Variants in RFX1 observed in about 807,000 individuals in gnomAD.
The protein encoded by RFX1 is regulatory factor X1.
RFX1 carries 42 observed loss-of-function variants against 119.6 expected under a neutral mutation model. That is an observed-to-expected ratio of 0.35 (90% CI 0.27 to 0.45). The LOEUF (loss-of-function observed/expected upper bound fraction) is 0.45, where lower values mean the gene tolerates loss of function less well. RFX1 is among the 20% of genes least tolerant of loss of function. The pLI, the probability that RFX1 is intolerant of heterozygous loss-of-function variation, is 1.00. For synonymous variants in RFX1, 628 were observed against 618.5 expected (o/e 1.02, Z -0.23); for missense variants, 1,118 against 1,368.1 (o/e 0.82, Z 2.88).
At position 13,962,581 on chromosome 19, in the gene RFX1, G is replaced by T; in HGVS notation, c.*114C>A. The T allele has an allele frequency of 1.2e-6, 1 of 862,958 alleles. No individual in the cohort carries two copies. Among genetic ancestry groups the T allele is most frequent in the Non-Finnish European group, 1.7e-6 (1 of 596,170 alleles). 53.5% of individuals were successfully genotyped at this position (862,958 alleles called of 1,614,324 possible). On this transcript the variant is annotated 3_prime_UTR_variant, in exon 21 of 21. Coordinates refer to ENST00000254325, the MANE Select transcript of RFX1 (RefSeq NM_002918.5). Reference sequence around the variant, plus strand: ...GGGCCCCGGTCTTCCCTGTCTCGGAGTCCCCCTCCCTGCCCTGGCTGAGGC... The same window carrying T: ...GGGCCCCGGTCTTCCCTGTCTCGGATTCCCCCTCCCTGCCCTGGCTGAGGC...
Position 13,962,885 on chromosome 19 carries a change from C to T in RFX1, c.2771-21G>A, listed in dbSNP as rs925951941. 9.1e-6 allele frequency: 14 copies of T among 1,533,460 alleles called. No homozygotes were observed. In the African/African-American group the frequency reaches 1.4e-4, roughly 15 times the overall value. The allele number at this position is 1,533,460 out of a possible 1,614,324, so 95.0% of individuals were successfully genotyped here. On this transcript the variant is annotated intron_variant, in intron 20 of 20. Coordinates refer to ENST00000254325, the MANE Select transcript of RFX1 (RefSeq NM_002918.5). ...CTCGTCTGGAACACAGGGACCAAGTCCGGCTCGGGGCGGGGTGGCAACGCC... is the reference window on the plus strand; with the variant it reads ...CTCGTCTGGAACACAGGGACCAAGTTCGGCTCGGGGCGGGGTGGCAACGCC...
chr19:13,979,602 GC>G (rs1974366270), intron 6 of RFX1, 60 bp from the exon 7 acceptor site: 1 of 1,228,480 alleles, frequency 8.1e-7, no homozygotes, highest in Non-Finnish European at 1.2e-6. Context: ...AACCTACCCA[GC>G]CCCTGCACAG....
At position 13,983,482 on chromosome 19, in the gene RFX1, C is replaced by T; in HGVS notation, c.429+4G>A. ...CCCCACCCCCTGGGAGGGCCACATC[C>T]TACCTGCTGGGTGCCCTGCACCTGC... On this transcript the variant is annotated splice_donor_region_variant and intron_variant, in intron 3 of 20. Coordinates refer to ENST00000254325, the MANE Select transcript of RFX1 (RefSeq NM_002918.5). The T allele has an allele frequency of 6.3e-7, 1 of 1,599,612 alleles. No homozygotes were observed. Among genetic ancestry groups the T allele is most frequent in the Non-Finnish European group, 8.5e-7 (1 of 1,174,568 alleles).
chr19:13,975,970 T>C (rs1472169384), intron 8 of RFX1, among the ~76,000 whole-genome samples: 3 of 152,144 alleles, frequency 2.0e-5, no homozygotes, highest in African/African-American at 7.2e-5. Flanking sequence ...TCACACACAC[T>C]ATGATCACTG....
At chr19:13,978,147 C>G (rs918074006) in intron 7 of RFX1, 61 bp from the exon 8 acceptor site, 19 of 1,304,188 alleles carry the variant, frequency 1.5e-5, no homozygotes, top group Non-Finnish European at 2.0e-5. Context: ...GGTTCTCCCT[C>G]TAAAGGGCTG....
At chr19:14,002,464 G>T (rs1278694414) in intron 1 of RFX1, among the ~76,000 whole-genome samples, 1 of 151,962 alleles carries the variant, frequency 6.6e-6, no homozygotes, top group Non-Finnish European at 1.5e-5. Flanking sequence ...CATCCTGGGC[G>T]ACAGAGTAGG....
chr19:13,989,549 GA>G (rs1216868832), intron 2 of RFX1, among the ~76,000 whole-genome samples: 1 of 151,208 alleles, frequency 6.6e-6, no homozygotes, highest in Non-Finnish European at 1.5e-5. Context: ...GAGAGAGAGA[GA>G]GAGACAGACA....
At chr19:13,976,055 A>C (rs1369172056) in intron 8 of RFX1, among the ~76,000 whole-genome samples, 1 of 152,244 alleles carries the variant, frequency 6.6e-6, no homozygotes, top group African/African-American at 2.4e-5. Flanking sequence ...ACCCTTGGAC[A>C]CCGTGTTCCT....
At chr19:13,973,168 G>T in intron 8 of RFX1, 41 bp from the exon 9 acceptor site, 1 of 1,024,896 alleles carries the variant, frequency 9.8e-7, no homozygotes, top group South Asian at 1.3e-5. Context: ...AGGGGGATGA[G>T]AACTGGGGGG....
At chr19:13,975,234 G>A (rs1974219532) in intron 8 of RFX1, among the ~76,000 whole-genome samples, 1 of 151,836 alleles carries the variant, frequency 6.6e-6, no homozygotes. Flanking sequence ...GTGGGCGCCT[G>A]TAATCCCAAC....
rs761726114 is a variant in RFX1, at chr19:13,965,410, C to T, written c.2211+39G>A. 1 of 1,574,446 alleles carries T rather than the reference C, an allele frequency of 6.4e-7. No individual in the cohort carries two copies. Among genetic ancestry groups the T allele is most frequent in the Admixed American group, 1.7e-5 (1 of 59,524 alleles). On this transcript the variant is annotated intron_variant, in intron 16 of 20. Coordinates refer to ENST00000254325, the MANE Select transcript of RFX1 (RefSeq NM_002918.5). This position sits in a 1 kb window ranked among gnomAD's most constrained non-coding sequence, Gnocchi z 4.7. ...GGAGCAGAGGAGACGGAGGCCTAAG[C>T]CCCAGAGATAGGAGAAAGGGACCCC...
intron 9 of RFX1, among the ~76,000 whole-genome samples, chr19:13,971,764 C>A (rs992534110): frequency 6.6e-6 from 1 of 152,026 alleles, no homozygotes; most frequent in African/African-American, 2.4e-5. Flanking sequence ...AATCCCAGCA[C>A]TTTGGGAGGC....
chr19:13,986,048 T>C lies in RFX1; in HGVS notation c.320-2453A>G, dbSNP rs1974582920. 6.6e-6 allele frequency among the ~76,000 whole-genome samples: 1 copy of C among 152,152 alleles called. No individual in the cohort carries two copies. Among genetic ancestry groups the C allele is most frequent in the South Asian group, 2.1e-4 (1 of 4,836 alleles). On this transcript the variant is annotated intron_variant, in intron 2 of 20. Coordinates refer to ENST00000254325, the MANE Select transcript of RFX1 (RefSeq NM_002918.5). The surrounding 1 kb of genome is among the most constrained non-coding windows in gnomAD (Gnocchi z 4.2). The stretch of plus-strand genomic sequence containing the variant: ...TCTTCCCTGGCATCTGCTTTAGGCT[T>C]CCCAGCCCTGAGCCATAAGGGAGGA...
rs1973681150 is a variant in RFX1 at position 13,961,879 on chromosome 19, A to G, written c.*816T>C. On this transcript the variant is annotated 3_prime_UTR_variant, in exon 21 of 21. Transcript: ENST00000254325. Reference sequence around the variant, plus strand: ...CGCTCGGGCGGCGCTCACGAATCGCACAATAGTCATGGGGTGGGGGTCGCA... The same window carrying G: ...CGCTCGGGCGGCGCTCACGAATCGCGCAATAGTCATGGGGTGGGGGTCGCA... 1 of 152,340 alleles carries G rather than the reference A, an allele frequency of 6.6e-6. No individual in the cohort carries two copies. Among genetic ancestry groups the G allele is most frequent in the African/African-American group, 2.4e-5 (1 of 41,466 alleles). 9.4% of individuals were successfully genotyped at this position (152,340 alleles called of 1,614,324 possible).
At chr19:13,987,485 C>T (rs996889563) in intron 2 of RFX1, among the ~76,000 whole-genome samples, 3 of 152,154 alleles carry the variant, frequency 2.0e-5, no homozygotes, top group Non-Finnish European at 2.9e-5. Flanking sequence ...GCTCCGATTG[C>T]TCCTGGCTTG....
Position 13,962,842 on chromosome 19 carries a change from CTCCTCCTCTTCT to C in RFX1, c.2781_2792del (p.Glu929_Glu932del), listed in dbSNP as rs1224731996. 10 of 1,528,480 alleles carry C rather than the reference CTCCTCCTCTTCT, an allele frequency of 6.5e-6. No homozygotes were observed. The highest frequency in any genetic ancestry group is 1.7e-4 in the Middle Eastern group (1 of 5,950). 94.7% of individuals were successfully genotyped at this position (1,528,480 alleles called of 1,614,324 possible). On this transcript the variant is annotated inframe_deletion, in exon 21 of 21. Transcript: ENST00000254325. Reference sequence around the variant, plus strand: ...CCTGCGGCAGCTCGTCCTCGCTCTCCTCCTCCTCTTCTTCCTCCTCGTCTGGAACACAGGGAC... The same window carrying C: ...CCTGCGGCAGCTCGTCCTCGCTCTCCTCCTCCTCGTCTGGAACACAGGGAC...
rs1269911593 is a variant in RFX1, at chr19:13,961,880, CA to C, written c.*814del. ...GCTCGGGCGGCGCTCACGAATCGCA[CA>C]ATAGTCATGGGGTGGGGGTCGCACG... On this transcript the variant is annotated 3_prime_UTR_variant, in exon 21 of 21. Coordinates refer to ENST00000254325, the MANE Select transcript of RFX1 (RefSeq NM_002918.5). 3.3e-5 allele frequency: 5 copies of C among 152,298 alleles called. No homozygotes were observed. Among genetic ancestry groups the C allele is most frequent in the African/African-American group, 4.8e-5 (2 of 41,450 alleles). 9.4% of individuals were successfully genotyped at this position (152,298 alleles called of 1,614,324 possible).
At chr19:13,963,429 C>G (rs1309777803) in intron 18 of RFX1, 109 bp downstream of exon 18, 1 of 1,428,036 alleles carries the variant, frequency 7.0e-7, no homozygotes, top group East Asian at 2.5e-5. Context: ...GGGCCCCAGC[C>G]TGCCCGCCCA....
chr19:13,988,476 G>A lies in RFX1; in HGVS notation c.320-4881C>T, dbSNP rs535727048. ...AGCAGGTAAGACCCACACCCAGGGCGTGGATCAGGACCCATCAGACACTCT... is the reference window on the plus strand; with the variant it reads ...AGCAGGTAAGACCCACACCCAGGGCATGGATCAGGACCCATCAGACACTCT... On this transcript the variant is annotated intron_variant, in intron 2 of 20. Transcript: ENST00000254325. 5.9e-5 allele frequency among the ~76,000 whole-genome samples: 9 copies of A among 152,328 alleles called. 1 individual carries two copies. The highest frequency in any genetic ancestry group is 2.0e-4 in the Admixed American group (3 of 15,298).
Sources: gnomAD v4.1 joint callset for allele counts (sites outside exome capture counted in the v4.1 genomes callset) on GRCh38, gnomAD v4.1.1 for gene constraint, Gnocchi (gnomAD v3.1) non-coding constraint, MANE v1.5 for transcripts, NCBI Gene and HGNC (gene_info 2026-07-23, HGNC 2026-07-21) for gene names.